The following TDP1 variants were observed in gnomAD, a reference collection of about 807,000 sequenced individuals.
TDP1 encodes the protein tyrosyl-DNA phosphodiesterase 1.
A neutral mutation model predicts 81.5 loss-of-function variants in TDP1; 64 were observed. The observed-to-expected ratio is 0.79, with a 90% CI of 0.64 to 0.97. The LOEUF (loss-of-function observed/expected upper bound fraction) is 0.97, where lower values mean the gene tolerates loss of function less well. Ranked by LOEUF, TDP1 falls within the 50% of genes least tolerant of loss-of-function variation. TDP1 has a pLI of 0.00. For missense variants in TDP1, 723 were observed against 743.8 expected, an observed-to-expected ratio of 0.97 and a Z score of 0.33; for synonymous variants, 256 against 264.3, an observed-to-expected ratio of 0.97 and a Z score of 0.30.
intron 11 of TDP1, chr14:89,989,413 CAGA>C (rs777905933): frequency 2.0e-6 from 2 of 983,916 alleles, no homozygotes; most frequent in Non-Finnish European, 2.4e-6. Flanking sequence ...GCACAGCCAG[CAGA>C]ATTATGGGCA....
intron 14 of TDP1, among the ~76,000 whole-genome samples, chr14:90,008,720 G>C (rs1212902869): frequency 1.3e-5 from 2 of 152,092 alleles, no homozygotes; most frequent in Non-Finnish European, 2.9e-5. Context: ...GAAATCTTTT[G>C]TTTATTTTTG....
intron 8 of TDP1, 48 bp downstream of exon 8, chr14:89,980,680 G>A (rs778942348): frequency 7.0e-7 from 1 of 1,436,934 alleles, no homozygotes; most frequent in South Asian, 1.1e-5. Context: ...GTTGATAAAG[G>A]TCAAAAGCCA....
chr14:90,029,568 G>A (rs894788145), intron 15 of TDP1, among the ~76,000 whole-genome samples: 2 of 146,506 alleles, frequency 1.4e-5, no homozygotes, highest in Non-Finnish European at 3.0e-5. Flanking sequence ...GCTCGATCTC[G>A]GCTCAGTGCA....
chr14:90,007,355 A>G (rs1884152518), intron 14 of TDP1, among the ~76,000 whole-genome samples: 1 of 152,122 alleles, frequency 6.6e-6, no homozygotes, highest in African/African-American at 2.4e-5. Context: ...TTAGGAAGCC[A>G]AGGCCGGTGG....
intron 15 of TDP1, chr14:90,022,637 G>C (rs972265328): frequency 2.4e-5 from 12 of 495,758 alleles, no homozygotes; most frequent in Admixed American, 1.3e-4. Flanking sequence ...TGTGCGTCTT[G>C]TCAGTCTGTA....
chr14:89,956,239 G>T (rs1032545154), intron 1 of TDP1: 5 of 152,516 alleles, frequency 3.3e-5, no homozygotes, highest in Admixed American at 2.0e-4. Flanking sequence ...GGCGCTAGGG[G>T]CCCCTGCTCG....
intron 13 of TDP1, 160 bp from the exon 14 acceptor site, chr14:89,993,215 GT>G (rs1167308991): frequency 2.5e-5 from 23 of 914,914 alleles, no homozygotes; most frequent in Non-Finnish European, 3.0e-5. Context: ...ATGGGCATGC[GT>G]TACTTGAATG....
intron 14 of TDP1, among the ~76,000 whole-genome samples, chr14:90,005,866 A>G (rs991870943): frequency 3.3e-5 from 5 of 152,212 alleles, no homozygotes; most frequent in African/African-American, 1.2e-4. Flanking sequence ...ACCAATTTTG[A>G]CCTGAAATTT....
intron 6 of TDP1, among the ~76,000 whole-genome samples, chr14:89,975,221 G>A (rs1414649399): frequency 6.6e-6 from 1 of 152,122 alleles, no homozygotes; most frequent in Non-Finnish European, 1.5e-5. Flanking sequence ...GACTACAGGC[G>A]CTGGCCACCA....
intron 10 of TDP1, among the ~76,000 whole-genome samples, 161 bp downstream of exon 10, chr14:89,985,371 CT>C: frequency 6.6e-6 from 1 of 151,862 alleles, no homozygotes; most frequent in Non-Finnish European, 1.5e-5. Context: ...GTAATTACTG[CT>C]TTTTAATGTG....
intron 14 of TDP1, among the ~76,000 whole-genome samples, chr14:90,013,880 C>T (rs539197467): frequency 6.6e-6 from 1 of 152,220 alleles, no homozygotes; most frequent in East Asian, 1.9e-4. Context: ...CTGCTACCAC[C>T]TTTGTAAGAA....
chr14:89,993,615 G>A (rs914600178), intron 14 of TDP1, 132 bp downstream of exon 14: 1 of 1,426,954 alleles, frequency 7.0e-7, no homozygotes. Flanking sequence ...TGTGTTACAT[G>A]AGCCTTATTT....
chr14:90,019,074 T>A (rs944291879), intron 14 of TDP1: 30 of 984,794 alleles, frequency 3.0e-5, no homozygotes, highest in Non-Finnish European at 3.5e-5. Context: ...TTTTAATAGC[T>A]GCCCTCAGGA....
At chr14:89,983,092 A>T in intron 8 of TDP1, 2 of 455,602 alleles carry the variant, frequency 4.4e-6, no homozygotes, top group South Asian at 3.1e-5. Context: ...TTAGAAAGTC[A>T]TTTGTCTTGT....
intron 14 of TDP1, among the ~76,000 whole-genome samples, chr14:89,998,740 C>T (rs144329944): frequency 6.0e-4 from 91 of 151,532 alleles, no homozygotes; most frequent in African/African-American, 1.6e-3. Flanking sequence ...CTGAGGGACG[C>T]GGGGTGGGGA....
chr14:89,984,600 C>T lies in TDP1; in HGVS notation c.969C>T (p.Leu323=), dbSNP rs1427707513. 3 of 1,614,102 alleles carry T rather than the reference C, an allele frequency of 1.9e-6. No individual in the cohort carries two copies. The highest frequency in any genetic ancestry group is 3.3e-5 in the Admixed American group (2 of 60,024). The change falls in exon 9 of 17, where the codon CTC becomes CTT. Residue 323 remains leucine, a synonymous_variant. Transcript: ENST00000335725. ...CGCCAACACATTTTAAAGCTGATCT[C>T]ATCAGTTACTTGATGGCTTATAATG... ...GESPTHFKAD[L]ISYLMAYNAP...
intron 15 of TDP1, among the ~76,000 whole-genome samples, chr14:90,024,764 A>G (rs1180587426): frequency 6.6e-6 from 1 of 152,226 alleles, no homozygotes; most frequent in African/African-American, 2.4e-5. Context: ...TTTCTGTATC[A>G]TAATCCTAAA....
chr14:89,966,022 C>A, intron 3 of TDP1, 125 bp from the exon 4 acceptor site: 1 of 974,172 alleles, frequency 1.0e-6, no homozygotes, highest in Non-Finnish European at 1.6e-6. Context: ...TTTGTAGTAA[C>A]TGTTTAGCTT....
intron 15 of TDP1, among the ~76,000 whole-genome samples, chr14:90,025,054 C>G (rs1252310019): frequency 2.0e-5 from 3 of 152,218 alleles, no homozygotes; most frequent in Admixed American, 2.0e-4. Flanking sequence ...AGAGTTGCCA[C>G]TTTTGTCCTT....
Sources: gnomAD v4.1 joint callset for allele counts (sites outside exome capture counted in the v4.1 genomes callset) on GRCh38, gnomAD v4.1.1 for gene constraint, MANE v1.5 for transcripts, NCBI Gene and HGNC (gene_info 2026-07-23, HGNC 2026-07-21) for gene names.